TJP2: variants seen among roughly 807,000 people sequenced by gnomAD.
TJP2 encodes tight junction protein 2.
A neutral mutation model predicts 133.1 loss-of-function variants in TJP2; 91 were observed. That is an observed-to-expected ratio of 0.68 (90% confidence interval 0.58 to 0.81). TJP2 has a LOEUF of 0.81. Among genes scored for constraint, TJP2 ranks in the 40% least tolerant of loss-of-function variants. TJP2 has a pLI of 0.00. For missense variants in TJP2, 1,541 were observed against 1,565.6 expected, an observed-to-expected ratio of 0.98 and a Z score of 0.26; for synonymous variants, 592 against 583.4, an observed-to-expected ratio of 1.01 and a Z score of -0.21.
intron 1 of TJP2, among the ~76,000 whole-genome samples, chr9:69,192,854 ACT>A (rs1042374871): frequency 3.4e-5 from 5 of 146,550 alleles, no homozygotes; most frequent in Non-Finnish European, 7.5e-5. Context: ...GGCCTCAGTG[ACT>A]CTGAGAGAGC....
intron 5 of TJP2, among the ~76,000 whole-genome samples, chr9:69,222,098 C>T (rs1828922128): frequency 6.6e-6 from 1 of 151,816 alleles, no homozygotes. Context: ...TCTTGAACTT[C>T]TGACCTCAGG....
intron 2 of TJP2, among the ~76,000 whole-genome samples, chr9:69,161,438 A>C (rs1371448902): frequency 1.3e-5 from 2 of 152,230 alleles, no homozygotes; most frequent in Non-Finnish European, 2.9e-5. Flanking sequence ...CATCTTGGCT[A>C]GGCAGGTCTC....
chr9:69,250,369 G>A (rs1160564338), intron 20 of TJP2, among the ~76,000 whole-genome samples: 4 of 152,206 alleles, frequency 2.6e-5, no homozygotes, highest in African/African-American at 9.7e-5. Flanking sequence ...CTCCCACAGT[G>A]CTGGGATTAC....
At chr9:69,244,289 T>A (rs189882041) in intron 17 of TJP2, among the ~76,000 whole-genome samples, 2 of 151,510 alleles carry the variant, frequency 1.3e-5, no homozygotes, top group East Asian at 3.9e-4. Context: ...ATTTTTATCA[T>A]CCCCAAAAGA....
chr9:69,130,015 C>CAAAAAAAAAAAAAAAAAAAAAAAAAAAA (rs11355311), intron 1 of TJP2, among the ~76,000 whole-genome samples: 1 of 94,174 alleles, frequency 1.1e-5, no homozygotes, highest in Non-Finnish European at 2.2e-5. Flanking sequence ...AACTCTGCCT[C>CAAAAAAAAAAAAAAAAAAAAAAAAAAAA]AAAAAAAAAA....
chr9:69,227,212 G>C (rs887276680), intron 7 of TJP2, among the ~76,000 whole-genome samples: 5 of 151,934 alleles, frequency 3.3e-5, no homozygotes, highest in African/African-American at 1.2e-4. Context: ...TGACTGTTAC[G>C]GGTGCAGTGC....
intron 1 of TJP2, 38 bp downstream of exon 1, chr9:69,174,470 T>G (rs147512775): frequency 1.6e-4 from 249 of 1,515,646 alleles, no homozygotes; most frequent in African/African-American, 7.1e-4. Context: ...GGGAGGAGGG[T>G]CGTGAGCGTG....
rs143714221 is a variant in TJP2, at chr9:69,249,361, T to C, written c.2881-14T>C. On this transcript the variant is annotated splice_polypyrimidine_tract_variant and intron_variant, in intron 19 of 22. Transcript: ENST00000377245. ...TGGATGTTCTTGTTGTGAATGAACC[T>C]TTATGTCTTGTAGAGCATAAGGAAA... is the stretch of plus-strand genomic sequence containing the variant. 4 of 1,599,350 alleles carry C rather than the reference T, an allele frequency of 2.5e-6. No individual in the cohort carries two copies. Among genetic ancestry groups the C allele is most frequent in the Non-Finnish European group, 3.4e-6 (4 of 1,171,852 alleles).
intron 1 of TJP2, among the ~76,000 whole-genome samples, chr9:69,175,959 C>G (rs952520906): frequency 1.3e-5 from 2 of 152,162 alleles, no homozygotes; most frequent in African/African-American, 2.4e-5. Context: ...CCTACTCCTG[C>G]CAGTCACTGT....
chr9:69,252,750 C>A, intron 21 of TJP2, 65 bp from the exon 22 acceptor site: 1 of 1,491,004 alleles, frequency 6.7e-7, no homozygotes, highest in Non-Finnish European at 9.3e-7. Context: ...AGCAGGAAAC[C>A]AGCAAGCAGA....
At chr9:69,181,547 C>G (rs1825515161) in intron 1 of TJP2, among the ~76,000 whole-genome samples, 1 of 152,160 alleles carries the variant, frequency 6.6e-6, no homozygotes, top group South Asian at 2.1e-4. Context: ...CTCGCCTGGC[C>G]TAGTTCTCAG....
At chr9:69,170,474 A>G (rs189243447), upstream of TJP2, among the ~76,000 whole-genome samples, 381 of 152,298 alleles carry the variant, frequency 2.5e-3, 2 homozygotes, top group African/African-American at 8.8e-3. Context: ...TTAATAGCCC[A>G]GCCCACCATC....
At position 69,254,673 on chromosome 9, in the gene TJP2, T is replaced by C. The variant is rs550506496; in HGVS notation, c.*299T>C. 3.2e-5 allele frequency: 19 copies of C among 589,956 alleles called. No homozygotes were observed. The highest frequency in any genetic ancestry group is 5.4e-5 in the Non-Finnish European group (18 of 330,914). The allele number at this position is 589,956 out of a possible 1,614,324, so 36.5% of individuals were successfully genotyped here. On this transcript the variant is annotated 3_prime_UTR_variant, in exon 23 of 23. Transcript: ENST00000377245. ...CGAAATCTGTATTCTGTTTGCGTACTTGTAATATGTATATTAAGAAGCAAT... is the reference window on the plus strand; with the variant it reads ...CGAAATCTGTATTCTGTTTGCGTACCTGTAATATGTATATTAAGAAGCAAT...
chr9:69,137,584 G>A (rs1039396010), intron 1 of TJP2, among the ~76,000 whole-genome samples: 4 of 151,690 alleles, frequency 2.6e-5, no homozygotes, highest in Admixed American at 2.0e-4. Flanking sequence ...GGCTGGTCTC[G>A]AACTCCTGGG....
At chr9:69,152,899 C>A (rs557993056) in intron 2 of TJP2, among the ~76,000 whole-genome samples, 1 of 125,524 alleles carries the variant, frequency 8.0e-6, no homozygotes, top group Non-Finnish European at 1.6e-5. Flanking sequence ...GGTGCGATCT[C>A]GGCTCACTGC....
At chr9:69,204,928 A>C (rs955469154) in intron 1 of TJP2, 2 of 1,254,142 alleles carry the variant, frequency 1.6e-6, no homozygotes, top group Admixed American at 3.9e-5. Context: ...GGAGAGAAAG[A>C]AAGCTGTTGA....
chr9:69,248,552 A>G, intron 19 of TJP2: 1 of 1,232,912 alleles, frequency 8.1e-7, no homozygotes, highest in Non-Finnish European at 1.0e-6. Flanking sequence ...TGTTGTATGT[A>G]CTTGTAACCT....
chr9:69,197,970 TTGA>T (rs140319611), intron 1 of TJP2, among the ~76,000 whole-genome samples: 2,149 of 152,294 alleles, frequency 0.014, 40 homozygotes, highest in African/African-American at 0.049. Flanking sequence ...ATGCCATCGT[TTGA>T]TGAAGCAGCA....
intron 3 of TJP2, 103 bp downstream of exon 3, chr9:69,216,566 TAAC>T: frequency 1.6e-6 from 2 of 1,272,402 alleles, no homozygotes; most frequent in South Asian, 2.7e-5. Context: ...AAGAAAAAAA[TAAC>T]AAACTTTTAT....
Sources: gnomAD v4.1 joint callset for allele counts (sites outside exome capture counted in the v4.1 genomes callset) on GRCh38, gnomAD v4.1.1 for gene constraint, MANE v1.5 for transcripts, NCBI Gene and HGNC (gene_info 2026-07-23, HGNC 2026-07-21) for gene names.